KLHL29: variants seen among roughly 807,000 people sequenced by gnomAD.
KLHL29 encodes kelch-like protein 29.
KLHL29 carries 21 observed loss-of-function variants against 80.4 expected under a neutral mutation model. The ratio of observed to expected loss-of-function variants is 0.26; its 90% confidence interval spans 0.19 to 0.38. KLHL29 has a LOEUF of 0.38. Among genes scored for constraint, KLHL29 ranks in the 10% least tolerant of loss-of-function variants. The probability of loss-of-function intolerance (pLI) is 1.00; values close to 1 mark genes in which losing one functional copy is unlikely to be tolerated. For synonymous variants in KLHL29, 511 were observed against 526.8 expected (o/e 0.97, Z 0.41); for missense variants, 867 against 1,223.9 (o/e 0.71, Z 4.35).
intron 3 of KLHL29, among the ~76,000 whole-genome samples, chr2:23,606,887 G>T (rs1335933710): frequency 1.3e-5 from 2 of 152,178 alleles, no homozygotes; most frequent in Non-Finnish European, 2.9e-5. Flanking sequence ...CAACAGAAAT[G>T]TATTTCTCAC....
At chr2:23,423,971 C>G (rs1472424577) in intron 1 of KLHL29, among the ~76,000 whole-genome samples, 1 of 151,806 alleles carries the variant, frequency 6.6e-6, no homozygotes, top group South Asian at 2.1e-4. Flanking sequence ...GGAGCATCCG[C>G]TCTCTCTCCC....
At chr2:23,388,866 G>A (rs1256437455) in intron 1 of KLHL29, among the ~76,000 whole-genome samples, 1 of 151,120 alleles carries the variant, frequency 6.6e-6, no homozygotes, top group South Asian at 2.1e-4. Context: ...TCTTTCAGCA[G>A]GCTTACTGTA....
At chr2:23,622,583 A>G (rs542181344) in intron 3 of KLHL29, among the ~76,000 whole-genome samples, 74 of 152,194 alleles carry the variant, frequency 4.9e-4, no homozygotes, top group Non-Finnish European at 8.5e-4. Context: ...GACTCTCCCA[A>G]CAACAGGAGT....
At chr2:23,459,777 G>A (rs1664161438) in intron 1 of KLHL29, among the ~76,000 whole-genome samples, 1 of 152,198 alleles carries the variant, frequency 6.6e-6, no homozygotes, top group Non-Finnish European at 1.5e-5. Flanking sequence ...CACCAGTGTT[G>A]AAAGCTTCTG....
chr2:23,588,892 C>A (rs781602343), intron 3 of KLHL29, among the ~76,000 whole-genome samples: 1 of 152,222 alleles, frequency 6.6e-6, no homozygotes, highest in Non-Finnish European at 1.5e-5. Context: ...CACCAGGAGG[C>A]AATCTCCACA....
intron 1 of KLHL29, among the ~76,000 whole-genome samples, chr2:23,412,743 G>T (rs976163343): frequency 9.2e-5 from 14 of 152,204 alleles, no homozygotes; most frequent in African/African-American, 3.1e-4. Context: ...TCCTCTGACA[G>T]ACTGGGTGTA....
chr2:23,597,725 C>T (rs986858291), intron 3 of KLHL29, among the ~76,000 whole-genome samples: 1 of 152,054 alleles, frequency 6.6e-6, no homozygotes, highest in Non-Finnish European at 1.5e-5. Flanking sequence ...GTGCCCGGCC[C>T]TGTTCACCCG....
intron 11 of KLHL29, among the ~76,000 whole-genome samples, chr2:23,701,793 C>CT (rs70941586): frequency 0.071 from 1,593 of 22,504 alleles, 103 homozygotes; most frequent in Non-Finnish European, 0.1. Flanking sequence ...CTTTTTTTTG[C>CT]TTTTTTTTTT....
intron 5 of KLHL29, among the ~76,000 whole-genome samples, chr2:23,651,440 G>A (rs1018039239): frequency 2.0e-5 from 3 of 151,158 alleles, no homozygotes; most frequent in African/African-American, 7.3e-5. Context: ...TCAGACCAAG[G>A]TCTACACACA....
At chr2:23,438,945 T>C (rs1278873446) in intron 1 of KLHL29, among the ~76,000 whole-genome samples, 4 of 145,744 alleles carry the variant, frequency 2.7e-5, no homozygotes, top group Non-Finnish European at 6.0e-5. Flanking sequence ...GGTCCTGGAC[T>C]CTTTTTGGTA....
chr2:23,696,347 G>A lies in KLHL29; in HGVS notation c.1939G>A (p.Gly647Arg). 4 of 1,551,628 alleles carry A rather than the reference G, an allele frequency of 2.6e-6. No homozygotes were observed. Among genetic ancestry groups the A allele is most frequent in the Non-Finnish European group, 3.5e-6 (4 of 1,146,972 alleles). ...NIYLSGGMESGVTLADVWCYM... is the reference protein window; with the variant it reads ...NIYLSGGMESRVTLADVWCYM... ...ACTGCCTCCAGGTGGGATGGAATCAGGGGTGACGCTGGCTGATGTCTGGTG... is the reference window on the plus strand; with the variant it reads ...ACTGCCTCCAGGTGGGATGGAATCAAGGGTGACGCTGGCTGATGTCTGGTG... The change falls in exon 11 of 14, where the codon GGG becomes AGG. Residue 647 changes from glycine to arginine, a missense_variant. Gly to Arg is a moderately radical substitution (Grantham distance 125). Around this residue, in one of 2 missense-constraint regions of KLHL29, gnomAD observed 443 missense variants for 767.0 expected, o/e 0.58. Coordinates refer to ENST00000486442, the MANE Select transcript of KLHL29 (RefSeq NM_052920.2). This position sits in a 1 kb window ranked among gnomAD's most constrained non-coding sequence, Gnocchi z 5.5.
At chr2:23,481,040 G>A (rs568538938) in intron 2 of KLHL29, among the ~76,000 whole-genome samples, 33 of 152,164 alleles carry the variant, frequency 2.2e-4, no homozygotes, top group African/African-American at 3.4e-4. Context: ...CCATGCTCTC[G>A]AAACGGTAAC....
At chr2:23,688,761 C>T (rs1328641512) in intron 6 of KLHL29, 2 of 152,278 alleles carry the variant, frequency 1.3e-5, no homozygotes, top group African/African-American at 2.4e-5. Flanking sequence ...CTGCTGCAGT[C>T]CCTCCAAAGC....
chr2:23,439,560 C>T (rs542224520), intron 1 of KLHL29, among the ~76,000 whole-genome samples: 5 of 151,984 alleles, frequency 3.3e-5, no homozygotes, highest in African/African-American at 1.2e-4. Flanking sequence ...GCCTTCATTT[C>T]GTTATGTACC....
At chr2:23,447,025 G>A (rs925395381) in intron 1 of KLHL29, among the ~76,000 whole-genome samples, 6 of 152,140 alleles carry the variant, frequency 3.9e-5, no homozygotes, top group East Asian at 1.9e-4. Flanking sequence ...AAATCTAATC[G>A]TTTTCAGTGA....
At position 23,497,967 on chromosome 2, in the gene KLHL29, ATT is replaced by A. The variant is rs544365141; in HGVS notation, c.-46+22304_-46+22305del. Among the ~76,000 whole-genome samples, 70 of 152,132 alleles carry A rather than the reference ATT, an allele frequency of 4.6e-4. 4 individuals carry two copies. In the South Asian group the frequency reaches 0.013, roughly 28 times the overall value. Reference sequence around the variant, plus strand: ...CAAGATTTCTGGCCAGAATCCTAGGATTTTTCTTTTTTAATTTAAGGTGTGCA... The same window carrying A: ...CAAGATTTCTGGCCAGAATCCTAGGATTTCTTTTTTAATTTAAGGTGTGCA... On this transcript the variant is annotated intron_variant, in intron 2 of 13. Coordinates refer to ENST00000486442, the MANE Select transcript of KLHL29 (RefSeq NM_052920.2).
chr2:23,657,748 C>G (rs540183475), intron 5 of KLHL29, among the ~76,000 whole-genome samples: 8 of 152,290 alleles, frequency 5.3e-5, no homozygotes, highest in African/African-American at 1.9e-4. Context: ...AGTGCTCCCC[C>G]AGAGCACTGA....
chr2:23,398,361 G>T (rs114989789), intron 1 of KLHL29, among the ~76,000 whole-genome samples: 1 of 152,232 alleles, frequency 6.6e-6, no homozygotes, highest in African/African-American at 2.4e-5. Flanking sequence ...AGCCAGTCAC[G>T]AAAGGACCAT....
chr2:23,494,089 G>A (rs1041485544), intron 2 of KLHL29, among the ~76,000 whole-genome samples: 28 of 152,138 alleles, frequency 1.8e-4, no homozygotes, highest in South Asian at 6.2e-4. Context: ...AATAGTTGTC[G>A]TATAAGACCT....
Sources: gnomAD v4.1 joint callset for allele counts (sites outside exome capture counted in the v4.1 genomes callset) on GRCh38, gnomAD v4.1.1 for gene constraint, gnomAD v4.1.1 regional missense constraint, Gnocchi (gnomAD v3.1) non-coding constraint, MANE v1.5 for transcripts, NCBI Gene and HGNC (gene_info 2026-07-23, HGNC 2026-07-21) for gene names.